Variants in THSD4 observed in about 807,000 individuals in gnomAD.
THSD4 encodes the protein thrombospondin type-1 domain-containing protein 4.
In THSD4, 69 loss-of-function variants were observed where a neutral mutation model predicts 119.0. The ratio of observed to expected loss-of-function variants is 0.58; its 90% confidence interval spans 0.48 to 0.71. The LOEUF (loss-of-function observed/expected upper bound fraction) is 0.71. Ranked by LOEUF, THSD4 falls within the 30% of genes least tolerant of loss-of-function variation. The pLI, the probability that THSD4 is intolerant of heterozygous loss-of-function variation, is 0.00. For synonymous variants in THSD4, 524 were observed against 540.4 expected, an observed-to-expected ratio of 0.97 and a Z score of 0.42; for missense variants, 1,393 against 1,391.1, an observed-to-expected ratio of 1.00 and a Z score of -0.02.
chr15:71,366,356 G>A (rs913543322), intron 6 of THSD4, among the ~76,000 whole-genome samples: 18 of 152,114 alleles, frequency 1.2e-4, no homozygotes, highest in Admixed American at 2.0e-4. Context: ...AACAGCTCCC[G>A]GCTGTCCAAG....
chr15:71,397,361 G>A (rs1469459100), intron 6 of THSD4, among the ~76,000 whole-genome samples: 1 of 152,126 alleles, frequency 6.6e-6, no homozygotes, highest in Admixed American at 6.6e-5. Flanking sequence ...CAAGGACCTG[G>A]TCTCTTTTTA....
intron 8 of THSD4, among the ~76,000 whole-genome samples, chr15:71,702,279 T>C (rs1355665995): frequency 6.6e-6 from 1 of 152,202 alleles, no homozygotes; most frequent in African/African-American, 2.4e-5. Context: ...CCTCTGAAGC[T>C]CATAGTCATA....
intron 6 of THSD4, among the ~76,000 whole-genome samples, chr15:71,379,453 T>TA (rs1167337245): frequency 1.3e-4 from 10 of 79,442 alleles, no homozygotes; most frequent in African/African-American, 4.4e-4. Context: ...ATGGCTTCTT[T>TA]TTTTTTTTTT....
chr15:71,521,239 C>T (rs28498046), intron 7 of THSD4, among the ~76,000 whole-genome samples: 8,971 of 152,246 alleles, frequency 0.059, 857 homozygotes, highest in African/African-American at 0.2. Context: ...AAACTGCTTA[C>T]TTCCCCACTC....
intron 6 of THSD4, among the ~76,000 whole-genome samples, chr15:71,314,479 G>A (rs146530587): frequency 3.2e-4 from 49 of 152,060 alleles, no homozygotes; most frequent in African/African-American, 1.1e-3. Context: ...GCTAATTATT[G>A]TATATTTAGT....
At chr15:71,234,859 CCA>C (rs1200398363) in intron 4 of THSD4, among the ~76,000 whole-genome samples, 1 of 152,184 alleles carries the variant, frequency 6.6e-6, no homozygotes, top group African/African-American at 2.4e-5. Context: ...AGTGCACTGG[CCA>C]GTTCCTCAGT....
intron 7 of THSD4, among the ~76,000 whole-genome samples, chr15:71,584,128 T>C (rs563912464): frequency 6.6e-6 from 1 of 152,226 alleles, no homozygotes; most frequent in Non-Finnish European, 1.5e-5. Context: ...ATTCTCTTGA[T>C]GAATTGATTC....
chr15:71,632,820 C>T (rs1419697830), intron 7 of THSD4, among the ~76,000 whole-genome samples: 4 of 152,204 alleles, frequency 2.6e-5, no homozygotes, highest in Non-Finnish European at 4.4e-5. Flanking sequence ...ACACAAACAG[C>T]TTACATGTGA....
intron 4 of THSD4, among the ~76,000 whole-genome samples, chr15:71,228,120 A>G (rs1291472734): frequency 6.6e-6 from 1 of 152,146 alleles, no homozygotes; most frequent in East Asian, 1.9e-4. Flanking sequence ...GTGATTAAGT[A>G]TCTTGAGATG....
At chr15:71,256,523 A>C (rs2044318951) in intron 5 of THSD4, 90 bp from the exon 6 acceptor site, 1 of 861,410 alleles carries the variant, frequency 1.2e-6, no homozygotes, top group Non-Finnish European at 1.7e-6. Context: ...AAAATAAATA[A>C]AGTTGGAAAG....
chr15:71,723,723 G>C (rs2052765987), intron 8 of THSD4, among the ~76,000 whole-genome samples: 2 of 152,146 alleles, frequency 1.3e-5, no homozygotes, highest in Admixed American at 1.3e-4. Context: ...AGGGAAGAGA[G>C]GGGGCTGGAC....
At chr15:71,598,162 C>A (rs1383330470) in intron 7 of THSD4, among the ~76,000 whole-genome samples, 26 of 152,016 alleles carry the variant, frequency 1.7e-4, no homozygotes. Context: ...CTTCGCCGAG[C>A]CAGTTTTAAA....
At chr15:71,199,790 GC>G (rs1332450524) in intron 3 of THSD4, among the ~76,000 whole-genome samples, 2 of 140,420 alleles carry the variant, frequency 1.4e-5, no homozygotes, top group South Asian at 2.3e-4. Context: ...GTGGGTGTGT[GC>G]TGTGTGTGTG....
intron 7 of THSD4, among the ~76,000 whole-genome samples, chr15:71,572,428 C>A (rs918088926): frequency 3.3e-5 from 5 of 152,180 alleles, no homozygotes; most frequent in African/African-American, 1.2e-4. Flanking sequence ...TGCAAGGTAG[C>A]CACTTACACA....
chr15:71,570,945 G>A (rs533328431), intron 7 of THSD4, among the ~76,000 whole-genome samples: 549 of 152,288 alleles, frequency 3.6e-3, no homozygotes, highest in Non-Finnish European at 5.2e-3. Flanking sequence ...TTGCTCTGTG[G>A]TACAGACGTG....
At chr15:71,164,628 T>C in intron 3 of THSD4, 1 of 1,238,702 alleles carries the variant, frequency 8.1e-7, no homozygotes, top group Non-Finnish European at 1.1e-6. Flanking sequence ...GTGTGTTAAC[T>C]ATACAAAAAA....
At chr15:71,160,000 C>T (rs1246458890) in intron 3 of THSD4, among the ~76,000 whole-genome samples, 1 of 152,028 alleles carries the variant, frequency 6.6e-6, no homozygotes, top group African/African-American at 2.4e-5. Flanking sequence ...ACCTTCTATA[C>T]TTAATTTGTT....
intron 8 of THSD4, among the ~76,000 whole-genome samples, chr15:71,673,286 A>G (rs1350451648): frequency 1.3e-5 from 2 of 152,186 alleles, no homozygotes; most frequent in Admixed American, 6.5e-5. Flanking sequence ...AGAGGTGTTT[A>G]TAGTATTCTC....
chr15:71,508,647 G>A (rs541115172), intron 7 of THSD4, among the ~76,000 whole-genome samples: 26 of 152,316 alleles, frequency 1.7e-4, no homozygotes, highest in Admixed American at 2.0e-4. Context: ...GTGAGCTAAA[G>A]CATTTCAGTT....
Sources: allele counts gnomAD v4.1 joint callset (sites outside exome capture counted in the v4.1 genomes callset), GRCh38; gene constraint gnomAD v4.1.1; transcripts MANE v1.5; gene names NCBI Gene and HGNC (gene_info 2026-07-23, HGNC 2026-07-21).